Variants in AKAP8L observed in about 807,000 individuals in gnomAD.
AKAP8L encodes A-kinase anchor protein 8-like.
AKAP8L carries 34 observed loss-of-function variants against 77.5 expected under a neutral mutation model. That is an observed-to-expected ratio of 0.44 (90% CI 0.33 to 0.58). The LOEUF (loss-of-function observed/expected upper bound fraction) is 0.58. Ranked by LOEUF, AKAP8L falls within the 20% of genes least tolerant of loss-of-function variation. The pLI is 0.02. For missense variants in AKAP8L, 806 were observed against 887.6 expected (o/e 0.91, Z 1.17); for synonymous variants, 342 against 340.7 (o/e 1.00, Z -0.04).
intron 1 of AKAP8L, among the ~76,000 whole-genome samples, chr19:15,410,866 G>A (rs1334268304): frequency 1.3e-5 from 2 of 152,180 alleles, no homozygotes; most frequent in African/African-American, 4.8e-5. Context: ...GGGCTGCAAC[G>A]CAGTGGCATG....
chr19:15,411,824 G>T (rs1029721451), intron 1 of AKAP8L, among the ~76,000 whole-genome samples: 1 of 152,042 alleles, frequency 6.6e-6, no homozygotes, highest in African/African-American at 2.4e-5. Context: ...AGGCCAAGGG[G>T]GGGTGGACTG....
At chr19:15,385,497 T>C (rs1001799562) in intron 12 of AKAP8L, among the ~76,000 whole-genome samples, 3 of 152,192 alleles carry the variant, frequency 2.0e-5, no homozygotes, top group Non-Finnish European at 4.4e-5. Context: ...GCTAGATTTC[T>C]TAGGGAACCA....
chr19:15,416,507 G>A (rs184105345), intron 1 of AKAP8L, among the ~76,000 whole-genome samples: 2 of 152,330 alleles, frequency 1.3e-5, no homozygotes, highest in Non-Finnish European at 2.9e-5. Context: ...AGGCATGGGA[G>A]TTTAAGTCAC....
In AKAP8L at chr19:15,403,572, C is replaced by T. The variant is rs202099656; in HGVS notation, c.265G>A (p.Asp89Asn). The change falls in exon 4 of 14, where the codon GAT becomes AAT. Residue 89 changes from aspartate (D) to asparagine (N), a missense_variant. Around this residue, in one of 2 missense-constraint regions of AKAP8L, gnomAD observed 580 missense variants for 694.1 expected, o/e 0.84. Coordinates refer to ENST00000397410, the MANE Select transcript of AKAP8L (RefSeq NM_014371.4). The surrounding 1 kb of genome is among the most constrained non-coding windows in gnomAD (Gnocchi z 4.3). ...NTSASGSASA[D>N]SVLSRINQRL... The stretch of plus-strand genomic sequence containing the variant: ...TGGTTAATTCTGGATAAAACGGAAT[C>T]GGCACTGGCGCTACCCGAGGCACTA... The T allele has an allele frequency of 7.5e-5, 121 of 1,613,974 alleles. No homozygotes were observed. The highest frequency in any genetic ancestry group is 2.0e-4 in the South Asian group (18 of 91,076).
intron 2 of AKAP8L, among the ~76,000 whole-genome samples, chr19:15,406,123 C>T (rs1224457774): frequency 6.6e-6 from 1 of 152,048 alleles, no homozygotes; most frequent in African/African-American, 2.4e-5. Context: ...ACAAGCAGGG[C>T]CTCCCACGAT....
chr19:15,408,060 C>T (rs574751426), intron 2 of AKAP8L, among the ~76,000 whole-genome samples: 2 of 152,242 alleles, frequency 1.3e-5, no homozygotes, highest in East Asian at 3.9e-4. Context: ...TTTGGGAGGC[C>T]GAGGCAGGTG....
chr19:15,395,795 T>C (rs1351247082), intron 12 of AKAP8L, among the ~76,000 whole-genome samples: 3 of 143,074 alleles, frequency 2.1e-5, no homozygotes, highest in East Asian at 2.1e-4. Context: ...CCATCCTGGC[T>C]AACACGGTGA....
At position 15,401,621 on chromosome 19, in the gene AKAP8L, G is replaced by A. The variant is rs752983752; in HGVS notation, c.363-18C>T. On this transcript the variant is annotated intron_variant, in intron 4 of 13. Transcript: ENST00000397410. This position sits in a 1 kb window ranked among gnomAD's most constrained non-coding sequence, Gnocchi z 6.2. ...AGTCATACCTGCAGAGGCATGGGGT[G>A]AGCATCAGGTGGAGCCCCTCAGGAT... 10 of 1,542,678 alleles carry A rather than the reference G, an allele frequency of 6.5e-6. No individual in the cohort carries two copies. In the Admixed American group the frequency reaches 1.9e-4, roughly 29 times the overall value.
Position 15,399,276 on chromosome 19 carries a change from C to A in AKAP8L, c.1157+26G>T, listed in dbSNP as rs754649475. The stretch of plus-strand genomic sequence containing the variant: ...CGGCAGCCCCACAGCGAGGCAGAGG[C>A]AGAGGGGTGGAGGGAAGCTGGTTAC... On this transcript the variant is annotated intron_variant, in intron 9 of 13. Transcript: ENST00000397410. The surrounding 1 kb of genome is among the most constrained non-coding windows in gnomAD (Gnocchi z 6.1). The A allele has an allele frequency of 1.3e-6, 2 of 1,594,038 alleles. No homozygotes were observed. Among genetic ancestry groups the A allele is most frequent in the Non-Finnish European group, 1.7e-6 (2 of 1,161,928 alleles).
In AKAP8L at chr19:15,401,089, G is replaced by T; in HGVS notation, c.817-46C>A. The T allele has an allele frequency of 6.2e-7, 1 of 1,608,074 alleles. No homozygotes were observed. On this transcript the variant is annotated intron_variant, in intron 5 of 13. Coordinates refer to ENST00000397410, the MANE Select transcript of AKAP8L (RefSeq NM_014371.4). The surrounding 1 kb of genome is among the most constrained non-coding windows in gnomAD (Gnocchi z 6.2). ...GCCGTGTCAGGGTGCATGGCACCCG[G>T]CCCTTAGCTCCGCCCCAGTGGGAAC...
rs1967898884 is a variant in AKAP8L at position 15,401,487 on chromosome 19, T to C, written c.479A>G (p.Gln160Arg). The C allele has an allele frequency of 6.2e-7, 1 of 1,613,878 alleles. No homozygotes were observed. The highest frequency in any genetic ancestry group is 8.5e-7 in the Non-Finnish European group (1 of 1,179,882). ...DPEMEMAYEG[Q>R]YDAYRDQFRM... is the part of the protein sequence containing the mutation. Reference sequence around the variant, plus strand: ...GAACTGGTCGCGGTAGGCATCGTATTGGCCCTCATAGGCCATTTCCATCTC... The same window carrying C: ...GAACTGGTCGCGGTAGGCATCGTATCGGCCCTCATAGGCCATTTCCATCTC... Residue 160 changes from glutamine to arginine, a missense_variant, in exon 5 of 14, where the codon CAA becomes CGA. Physicochemically the swap from Gln to Arg is conservative, Grantham distance 43 (BLOSUM62 1). Transcript: ENST00000397410. The surrounding 1 kb of genome is among the most constrained non-coding windows in gnomAD (Gnocchi z 6.2).
intron 12 of AKAP8L, among the ~76,000 whole-genome samples, chr19:15,393,448 G>C (rs763756342): frequency 2.1e-4 from 32 of 152,176 alleles, no homozygotes; most frequent in Non-Finnish European, 4.0e-4. Context: ...TTTACAAAAA[G>C]AACTCTACAA....
Position 15,397,351 on chromosome 19 carries a change from AC to A in AKAP8L, c.1406-72del. The A allele has an allele frequency of 1.9e-6, 3 of 1,580,740 alleles. No homozygotes were observed. Among genetic ancestry groups the A allele is most frequent in the Non-Finnish European group, 2.6e-6 (3 of 1,158,736 alleles). ...ATAGACCCAGGTGTTCGAGAAAAAA[AC>A]CACACCAGCTCCTCCTCAACTCGCC... On this transcript the variant is annotated intron_variant, in intron 11 of 13. Transcript: ENST00000397410. This position sits in a 1 kb window ranked among gnomAD's most constrained non-coding sequence, Gnocchi z 4.7.
At position 15,401,395 on chromosome 19, in the gene AKAP8L, G is replaced by A. The variant is rs1423566983; in HGVS notation, c.571C>T (p.Arg191Trp). 3.7e-6 allele frequency: 6 copies of A among 1,613,190 alleles called. No homozygotes were observed. Among genetic ancestry groups the A allele is most frequent in the Non-Finnish European group, 3.4e-6 (4 of 1,179,814 alleles). The change falls in exon 5 of 14, where the codon CGG becomes TGG. Residue 191 changes from arginine (R) to tryptophan (W), a missense_variant. This residue lies in a region of AKAP8L where 580 missense variants were observed against 694.1 expected (regional missense o/e 0.84). Transcript: ENST00000397410. This position sits in a 1 kb window ranked among gnomAD's most constrained non-coding sequence, Gnocchi z 6.2. ...CGCCCATAGCCTGAGGCCATTGGCCGGCCGCTCCGGGCATCCCGGGCCCAG... is the reference window on the plus strand; with the variant it reads ...CGCCCATAGCCTGAGGCCATTGGCCAGCCGCTCCGGGCATCCCGGGCCCAG... The part of the protein sequence containing the change: ...QGWARDARSG[R>W]PMASGYGRMW...
In AKAP8L at chr19:15,418,985, C is replaced by A; in HGVS notation, c.-62G>T. The A allele has an allele frequency of 6.2e-7, 1 of 1,600,456 alleles. No individual in the cohort carries two copies. Among genetic ancestry groups the A allele is most frequent in the African/African-American group, 1.3e-5 (1 of 75,014 alleles). On this transcript the variant is annotated 5_prime_UTR_variant, in exon 1 of 14. Coordinates refer to ENST00000397410, the MANE Select transcript of AKAP8L (RefSeq NM_014371.4). ...CTGCTGCTCTGAACATCCGACGCTG[C>A]GATAGCTGCTGCTAACCACAGGGTC...
chr19:15,414,489 T>TG (rs1555702741), intron 1 of AKAP8L, among the ~76,000 whole-genome samples: 25 of 152,180 alleles, frequency 1.6e-4, no homozygotes, highest in African/African-American at 4.3e-4. Context: ...TTCTTTTTTT[T>TG]TTTGTTTGTT....
intron 12 of AKAP8L, among the ~76,000 whole-genome samples, chr19:15,393,087 A>T (rs1437238681): frequency 6.6e-6 from 1 of 152,032 alleles, no homozygotes; most frequent in Non-Finnish European, 1.5e-5. Flanking sequence ...ATGGGGGGAA[A>T]ACAGTCTCTT....
At chr19:15,413,999 C>G (rs1189709677) in intron 1 of AKAP8L, among the ~76,000 whole-genome samples, 1 of 151,992 alleles carries the variant, frequency 6.6e-6, no homozygotes, top group Non-Finnish European at 1.5e-5. Flanking sequence ...ACAATACCAT[C>G]TGCAAAGATC....
rs370831832 is a variant in AKAP8L, at chr19:15,403,433, C to T, written c.362+42G>A. 8.9e-6 allele frequency: 14 copies of T among 1,574,148 alleles called. No homozygotes were observed. Among genetic ancestry groups the T allele is most frequent in the African/African-American group, 5.4e-5 (4 of 74,158 alleles). On this transcript the variant is annotated intron_variant, in intron 4 of 13. Transcript: ENST00000397410. The surrounding 1 kb of genome is among the most constrained non-coding windows in gnomAD (Gnocchi z 4.3). ...AACGCAGTGGGCAGCAGGCAGGAGCCGCCCCTGCAGAGTCTCAACCCCTAG... is the reference window on the plus strand; with the variant it reads ...AACGCAGTGGGCAGCAGGCAGGAGCTGCCCCTGCAGAGTCTCAACCCCTAG...
Sources: allele counts gnomAD v4.1 joint callset (sites outside exome capture counted in the v4.1 genomes callset), GRCh38; gene constraint gnomAD v4.1.1; regional missense constraint gnomAD v4.1.1; non-coding constraint Gnocchi (gnomAD v3.1); transcripts MANE v1.5; gene names NCBI Gene and HGNC (gene_info 2026-07-23, HGNC 2026-07-21).